Variants in TMEM181 observed in about 807,000 individuals in gnomAD.
TMEM181 encodes transmembrane protein 181, also known as G protein-coupled receptor 178.
A neutral mutation model predicts 71.9 loss-of-function variants in TMEM181; 39 were observed. That is an observed-to-expected ratio of 0.54 (90% confidence interval 0.42 to 0.71). TMEM181 has a LOEUF of 0.71. Among genes scored for constraint, TMEM181 ranks in the 30% least tolerant of loss-of-function variants. The pLI, the probability that TMEM181 is intolerant of heterozygous loss-of-function variation, is 0.00. For synonymous variants in TMEM181, 245 were observed against 228.8 expected, an observed-to-expected ratio of 1.07 and a Z score of -0.64; for missense variants, 595 against 583.0, an observed-to-expected ratio of 1.02 and a Z score of -0.21.
At chr6:158,616,712 C>T (rs1228506200) in intron 10 of TMEM181, among the ~76,000 whole-genome samples, 1 of 152,176 alleles carries the variant, frequency 6.6e-6, no homozygotes, top group Non-Finnish European at 1.5e-5. Flanking sequence ...TGAATTTTGT[C>T]AGAGGCCTTT....
intron 1 of TMEM181, among the ~76,000 whole-genome samples, chr6:158,548,474 G>A (rs901204441): frequency 3.9e-5 from 6 of 152,192 alleles, no homozygotes; most frequent in African/African-American, 1.4e-4. Flanking sequence ...GCGTCTTCAG[G>A]ACAGGGACTT....
At chr6:158,566,554 T>G (rs1184124330) in intron 1 of TMEM181, among the ~76,000 whole-genome samples, 17 of 68,636 alleles carry the variant, frequency 2.5e-4, no homozygotes, top group Admixed American at 7.1e-4. Flanking sequence ...TGGAGGGAGG[T>G]GATACGGTGA....
rs1159117582 is a variant in TMEM181 at position 158,634,220 on chromosome 6, C to T, written c.*2332C>T. On this transcript the variant is annotated 3_prime_UTR_variant, in exon 17 of 17. Transcript: ENST00000684151. ...ACTAAGTCATGTATTTTCAACTTGTCTTCCCTGGTATATCATAAATACCGA... is the reference window on the plus strand; with the variant it reads ...ACTAAGTCATGTATTTTCAACTTGTTTTCCCTGGTATATCATAAATACCGA... 3 of 152,166 alleles carry T rather than the reference C, an allele frequency of 2.0e-5. No individual in the cohort carries two copies. Among genetic ancestry groups the T allele is most frequent in the South Asian group, 2.1e-4 (1 of 4,830 alleles). The allele number at this position is 152,166 out of a possible 1,614,324, so 9.4% of individuals were successfully genotyped here. A position where few individuals can be genotyped will look rare whatever the true frequency, so the allele number is the denominator to read the frequency against.
chr6:158,587,884 T>TTCTTAAACTCGCAAGAGATGTTTG (rs1409764583), intron 5 of TMEM181, among the ~76,000 whole-genome samples: 8 of 152,240 alleles, frequency 5.3e-5, no homozygotes, highest in South Asian at 2.1e-4. Context: ...GTGAGACAAA[T>TTCTTAAACTCGCAAGAGATGTTTG]TCTTAAACTC....
At chr6:158,605,126 AAAAAAGTGT>A in intron 6 of TMEM181, 132 bp from the exon 7 acceptor site, 5 of 477,074 alleles carry the variant, frequency 1.0e-5, no homozygotes, top group East Asian at 7.7e-5. Context: ...AAAAAAAAAA[AAAAAAGTGT>A]GTGTGTGTGT....
intron 6 of TMEM181, among the ~76,000 whole-genome samples, chr6:158,593,051 G>C (rs1784196474): frequency 6.6e-6 from 1 of 152,238 alleles, no homozygotes. Flanking sequence ...ATTTAGCAAT[G>C]TATAAAAGCC....
At chr6:158,542,842 A>G (rs1386215884) in intron 1 of TMEM181, among the ~76,000 whole-genome samples, 2 of 144,646 alleles carry the variant, frequency 1.4e-5, no homozygotes, top group Non-Finnish European at 3.0e-5. Flanking sequence ...TGACCTCGGA[A>G]TCTGCCTGCC....
intron 1 of TMEM181, chr6:158,536,957 C>T: frequency 4.9e-6 from 5 of 1,023,902 alleles, no homozygotes; most frequent in Non-Finnish European, 6.0e-6. Context: ...TTGGCCTGGT[C>T]CCGCCGACGG....
chr6:158,621,082 A>G (rs957541815), intron 10 of TMEM181, among the ~76,000 whole-genome samples: 2 of 152,272 alleles, frequency 1.3e-5, no homozygotes, highest in Admixed American at 6.5e-5. Context: ...CTGCAACTGC[A>G]GGCATAGCCC....
rs958344494 is a variant in TMEM181 at position 158,634,545 on chromosome 6, C to T, written c.*2657C>T. ...AAGATGACCAGAGGTATTTCAGTTT[C>T]CCTAGGGAGAGCTTCGTTATCCATG... On this transcript the variant is annotated 3_prime_UTR_variant, in exon 17 of 17. Coordinates refer to ENST00000684151, the MANE Select transcript of TMEM181 (RefSeq NM_001376852.1). 4 of 152,162 alleles carry T rather than the reference C, an allele frequency of 2.6e-5. No homozygotes were observed. The highest frequency in any genetic ancestry group is 5.9e-5 in the Non-Finnish European group (4 of 68,022). 9.4% of individuals were successfully genotyped at this position (152,162 alleles called of 1,614,324 possible).
At chr6:158,609,911 A>G (rs182018888) in intron 10 of TMEM181, 207 of 233,676 alleles carry the variant, frequency 8.9e-4, no homozygotes, top group African/African-American at 4.6e-3. Flanking sequence ...CTGCCTCAGC[A>G]CTTCCCGGGC....
At chr6:158,575,471 G>A (rs755455700) in intron 2 of TMEM181, among the ~76,000 whole-genome samples, 14 of 151,974 alleles carry the variant, frequency 9.2e-5, no homozygotes, top group Admixed American at 1.3e-4. Context: ...CTGCCTCCAC[G>A]CCTGGCTAAT....
intron 1 of TMEM181, among the ~76,000 whole-genome samples, chr6:158,547,765 C>T (rs773065892): frequency 3.6e-4 from 55 of 152,096 alleles, no homozygotes; most frequent in South Asian, 6.2e-4. Flanking sequence ...ACCCTGCCCC[C>T]GGGCCACTGG....
chr6:158,606,239 G>T (rs574957676), intron 7 of TMEM181, among the ~76,000 whole-genome samples: 2 of 151,282 alleles, frequency 1.3e-5, no homozygotes, highest in African/African-American at 4.9e-5. Flanking sequence ...AGGGAAGGGC[G>T]TGGGCGCTAG....
chr6:158,625,784 A>G (rs763204825), intron 13 of TMEM181, 30 bp downstream of exon 13: 13 of 1,591,444 alleles, frequency 8.2e-6, no homozygotes, highest in Non-Finnish European at 1.1e-5. Context: ...TGAAAACAGC[A>G]AAACGGAATT....
chr6:158,563,030 A>C (rs745726466), intron 1 of TMEM181, among the ~76,000 whole-genome samples: 13 of 152,224 alleles, frequency 8.5e-5, no homozygotes, highest in Non-Finnish European at 1.8e-4. Context: ...TCTCAATAAC[A>C]GCTGACAGTT....
intron 10 of TMEM181, among the ~76,000 whole-genome samples, chr6:158,616,151 T>C (rs1394829943): frequency 6.6e-6 from 1 of 152,214 alleles, no homozygotes; most frequent in African/African-American, 2.4e-5. Context: ...GTGTCCTCTT[T>C]TATTTCGTTG....
chr6:158,585,197 C>A, intron 4 of TMEM181, 107 bp from the exon 5 acceptor site: 1 of 1,283,004 alleles, frequency 7.8e-7, no homozygotes, highest in Non-Finnish European at 1.0e-6. Flanking sequence ...GGCCTAAGGA[C>A]CTTAAGCGTT....
Position 158,620,284 on chromosome 6 carries a change from T to A in TMEM181, c.897-3266T>A, listed in dbSNP as rs1785881943. ...GGAATCTTCTTTCCAAAGAGGACAG[T>A]TAAGCTGAGAAGAAACTGGGCGCCC... On this transcript the variant is annotated intron_variant, in intron 10 of 16. Transcript: ENST00000684151. This position sits in a 1 kb window ranked among gnomAD's most constrained non-coding sequence, Gnocchi z 4.5. Among the ~76,000 whole-genome samples, 1 of 152,048 alleles carries A rather than the reference T, an allele frequency of 6.6e-6. No homozygotes were observed. The highest frequency in any genetic ancestry group is 6.5e-5 in the Admixed American group (1 of 15,268).
Sources: allele counts gnomAD v4.1 joint callset (sites outside exome capture counted in the v4.1 genomes callset), GRCh38; gene constraint gnomAD v4.1.1; non-coding constraint Gnocchi (gnomAD v3.1); transcripts MANE v1.5; gene names NCBI Gene and HGNC (gene_info 2026-07-23, HGNC 2026-07-21).